Variants in FER observed in about 807,000 individuals in gnomAD.
The protein encoded by FER is tyrosine-protein kinase Fer.
In FER, 63 loss-of-function variants were observed where a neutral mutation model predicts 111.0. That is an observed-to-expected ratio of 0.57 (90% CI 0.46 to 0.70). The LOEUF (loss-of-function observed/expected upper bound fraction) is 0.70. Among genes scored for constraint, FER ranks in the 30% least tolerant of loss-of-function variants. The probability of loss-of-function intolerance (pLI) is 0.00; values close to 1 mark genes in which losing one functional copy is unlikely to be tolerated. For synonymous variants in FER, 327 were observed against 313.9 expected (o/e 1.04, Z -0.44); for missense variants, 914 against 954.0 (o/e 0.96, Z 0.55).
rs201035032 is a variant in FER, at chr5:108,762,113, C to T, written c.-205-5980C>T. ...TATTTTTAATGCAGACAGGGTTTTA[C>T]CATGTTGGTCAGGCTGGTCTTGAAC... On this transcript the variant is annotated intron_variant, in intron 1 of 19. Coordinates refer to ENST00000281092, the MANE Select transcript of FER (RefSeq NM_005246.4). Among the ~76,000 whole-genome samples, 17 of 152,092 alleles carry T rather than the reference C, an allele frequency of 1.1e-4. No individual in the cohort carries two copies. The East Asian group carries it at 3.1e-3, about 28-fold the overall frequency.
chr5:109,163,497 C>T lies in FER; in HGVS notation c.2049-17250C>T, dbSNP rs1044916176. ...CAAAGTGGTTGTTCCACTTTGTGTT[C>T]TCACCAACAATGTATGACAGCTGCT... On this transcript the variant is annotated intron_variant, in intron 17 of 19. Transcript: ENST00000281092. Among the ~76,000 whole-genome samples, 4 of 152,116 alleles carry T rather than the reference C, an allele frequency of 2.6e-5. No homozygotes were observed. In the South Asian group the frequency reaches 6.2e-4, roughly 24 times the overall value.
chr5:109,124,081 T>C (rs970916615), intron 17 of FER, among the ~76,000 whole-genome samples: 2 of 149,630 alleles, frequency 1.3e-5, no homozygotes, highest in African/African-American at 4.9e-5. Context: ...AAAAAAAAAA[T>C]AGCAGGGCAT....
At chr5:108,794,533 C>CT (rs148962345) in intron 2 of FER, among the ~76,000 whole-genome samples, 2 of 136,690 alleles carry the variant, frequency 1.5e-5, no homozygotes, top group African/African-American at 5.3e-5. Flanking sequence ...CGCACCCCCC[C>CT]CCCTCCCCGC....
At chr5:108,971,944 T>A (rs1238708730) in intron 13 of FER, among the ~76,000 whole-genome samples, 1 of 152,068 alleles carries the variant, frequency 6.6e-6, no homozygotes, top group East Asian at 1.9e-4. Context: ...ATGTAATGAA[T>A]TGTTGAAGTT....
At chr5:109,024,306 G>A (rs943488204) in intron 13 of FER, among the ~76,000 whole-genome samples, 3 of 152,158 alleles carry the variant, frequency 2.0e-5, no homozygotes, top group African/African-American at 7.2e-5. Flanking sequence ...GGTTCCAACA[G>A]CCCAACAAAA....
chr5:108,941,074 G>A (rs1294133480), intron 10 of FER, among the ~76,000 whole-genome samples: 2 of 152,106 alleles, frequency 1.3e-5, no homozygotes, highest in African/African-American at 4.8e-5. Flanking sequence ...GTAAAGCTGG[G>A]AGAGATCTCC....
chr5:108,876,834 A>C (rs2150262161), intron 8 of FER, among the ~76,000 whole-genome samples: 1 of 152,352 alleles, frequency 6.6e-6, no homozygotes, highest in Non-Finnish European at 1.5e-5. Context: ...CTGCAGTGAT[A>C]GGAAGTATTA....
intron 6 of FER, among the ~76,000 whole-genome samples, chr5:108,870,004 C>T (rs1764451929): frequency 6.6e-6 from 1 of 152,034 alleles, no homozygotes; most frequent in East Asian, 1.9e-4. Context: ...TTACTTATCT[C>T]TAAAGTACTA....
intron 4 of FER, among the ~76,000 whole-genome samples, chr5:108,835,093 G>T (rs10054086): frequency 0.23 from 34,528 of 150,700 alleles, 4,112 homozygotes; most frequent in African/African-American, 0.28. Flanking sequence ...ATATTTTAAT[G>T]GTTTGTTTAA....
intron 1 of FER, among the ~76,000 whole-genome samples, chr5:108,760,472 G>C (rs760202859): frequency 6.6e-6 from 1 of 152,138 alleles, no homozygotes. Context: ...TCTATATAAG[G>C]CTGTTTCATA....
chr5:108,765,198 T>A lies in FER; in HGVS notation c.-205-2895T>A, dbSNP rs558178850. 2.6e-5 allele frequency among the ~76,000 whole-genome samples: 4 copies of A among 152,314 alleles called. No homozygotes were observed. The East Asian group carries it at 7.7e-4, about 29-fold the overall frequency. On this transcript the variant is annotated intron_variant, in intron 1 of 19. Coordinates refer to ENST00000281092, the MANE Select transcript of FER (RefSeq NM_005246.4). The stretch of plus-strand genomic sequence containing the variant: ...GGTAAGCATGATAATACCTTTGAAG[T>A]AACGCAAGGAATATAATTTTTTTGA...
intron 15 of FER, among the ~76,000 whole-genome samples, chr5:109,046,895 C>T (rs911291748): frequency 1.1e-4 from 16 of 152,014 alleles, no homozygotes; most frequent in African/African-American, 2.9e-4. Context: ...TCTGTATCCA[C>T]GGGGGTCCTG....
intron 8 of FER, among the ~76,000 whole-genome samples, chr5:108,876,516 T>C (rs183727181): frequency 3.2e-4 from 49 of 152,282 alleles, no homozygotes; most frequent in African/African-American, 1.1e-3. Context: ...TATTATCAGT[T>C]CATGCCTATA....
At chr5:108,928,902 A>C (rs554212009) in intron 10 of FER, among the ~76,000 whole-genome samples, 2 of 152,150 alleles carry the variant, frequency 1.3e-5, no homozygotes, top group Non-Finnish European at 2.9e-5. Context: ...ATCTGTGTCT[A>C]ATATTTTAGC....
intron 10 of FER, among the ~76,000 whole-genome samples, chr5:108,905,923 G>T (rs1050411632): frequency 1.3e-5 from 2 of 152,098 alleles, no homozygotes; most frequent in Non-Finnish European, 2.9e-5. Flanking sequence ...TTCTAACAGG[G>T]TGAAAAAATC....
chr5:108,932,795 T>G (rs569160021), intron 10 of FER, among the ~76,000 whole-genome samples: 54 of 151,480 alleles, frequency 3.6e-4, no homozygotes, highest in Non-Finnish European at 7.1e-4. Context: ...CTTTTTTTTG[T>G]ATGTTTGTTG....
chr5:108,948,373 A>G (rs975973512), intron 11 of FER, among the ~76,000 whole-genome samples: 1 of 152,036 alleles, frequency 6.6e-6, no homozygotes, highest in Non-Finnish European at 1.5e-5. Flanking sequence ...ATTTTTTGTT[A>G]TGATCAGAAT....
chr5:108,974,720 G>T (rs562878947), intron 13 of FER, among the ~76,000 whole-genome samples: 1 of 152,188 alleles, frequency 6.6e-6, no homozygotes, highest in Non-Finnish European at 1.5e-5. Flanking sequence ...GGTAGAAGTC[G>T]TAGTCAGACA....
chr5:108,874,654 C>T (rs1271816018), intron 8 of FER, among the ~76,000 whole-genome samples: 4 of 150,932 alleles, frequency 2.7e-5, no homozygotes, highest in Non-Finnish European at 1.5e-5. Flanking sequence ...TAAAGTTAAA[C>T]ATCTTTTCTT....
Sources: allele counts gnomAD v4.1 joint callset (sites outside exome capture counted in the v4.1 genomes callset), GRCh38; gene constraint gnomAD v4.1.1; transcripts MANE v1.5; gene names NCBI Gene and HGNC (gene_info 2026-07-23, HGNC 2026-07-21).